The following NQO1 variants were observed in gnomAD, a reference collection of about 807,000 sequenced individuals.
NQO1 encodes NAD(P)H quinone dehydrogenase 1, also known as NAD(P)H dehydrogenase [quinone] 1.
In NQO1, 30 loss-of-function variants were observed where a neutral mutation model predicts 32.1. The observed-to-expected ratio is 0.94, with a 90% CI of 0.70 to 1.27. The LOEUF is 1.27. NQO1 is among the 50% of genes most tolerant of loss of function. The pLI, the probability that NQO1 is intolerant of heterozygous loss-of-function variation, is 0.00. For synonymous variants in NQO1, 109 were observed against 119.7 expected (o/e 0.91, Z 0.59); for missense variants, 276 against 331.3 (o/e 0.83, Z 1.30).
At chr16:69,711,640 C>A (rs190656288) in intron 5 of NQO1, among the ~76,000 whole-genome samples, 164 of 150,928 alleles carry the variant, frequency 1.1e-3, no homozygotes, top group African/African-American at 3.7e-3. Flanking sequence ...TAGATGAGTC[C>A]TTTTTTTCTT....
At chr16:69,724,305 A>G (rs1597605487) in intron 1 of NQO1, among the ~76,000 whole-genome samples, 1 of 148,756 alleles carries the variant, frequency 6.7e-6, no homozygotes, top group East Asian at 2.0e-4. Flanking sequence ...AGAGTGAGTG[A>G]GACTCCATCT....
chr16:69,717,674 G>A (rs1460933028), intron 3 of NQO1, among the ~76,000 whole-genome samples: 1 of 151,280 alleles, frequency 6.6e-6, no homozygotes, highest in Admixed American at 6.6e-5. Flanking sequence ...GTGCAGTGGC[G>A]CAATCTTGGT....
chr16:69,715,311 T>C (rs2038099377), intron 3 of NQO1, among the ~76,000 whole-genome samples: 1 of 152,204 alleles, frequency 6.6e-6, no homozygotes, highest in East Asian at 1.9e-4. Context: ...TGGGTCCGAG[T>C]AAAGCTAGAT....
In NQO1 at chr16:69,718,347, A is replaced by T; in HGVS notation, c.172+23T>A. 1.9e-6 allele frequency: 3 copies of T among 1,613,860 alleles called. No homozygotes were observed. The South Asian group carries it at 3.3e-5, about 18-fold the overall frequency. Reference sequence around the variant, plus strand: ...GAGATCCGCAAAGAACTAATTAAAGAGGGGAGGAGGAACTCCTCCTACCTG... The same window carrying T: ...GAGATCCGCAAAGAACTAATTAAAGTGGGGAGGAGGAACTCCTCCTACCTG... On this transcript the variant is annotated intron_variant, in intron 2 of 5. Coordinates refer to ENST00000320623, the MANE Select transcript of NQO1 (RefSeq NM_000903.3).
chr16:69,723,256 T>TTAA (rs767408068), intron 1 of NQO1, among the ~76,000 whole-genome samples: 1 of 152,166 alleles, frequency 6.6e-6, no homozygotes, highest in Non-Finnish European at 1.5e-5. Context: ...CTCATCAATG[T>TTAA]TAACAAGCAT....
In NQO1 at chr16:69,726,525, G is replaced by A. The variant is rs554345555; in HGVS notation, c.-86C>T. On this transcript the variant is annotated 5_prime_UTR_variant, in exon 1 of 6. Coordinates refer to ENST00000320623, the MANE Select transcript of NQO1 (RefSeq NM_000903.3). ...CCGGAACTAGGCTCTCGGTGAGCTG[G>A]GCGGCTCCGGCTGCAACCTTGTGGG... The A allele has an allele frequency of 8.3e-6, 13 of 1,566,136 alleles. No homozygotes were observed. The highest frequency in any genetic ancestry group is 5.4e-5 in the African/African-American group (4 of 73,542).
intron 4 of NQO1, among the ~76,000 whole-genome samples, chr16:69,714,465 C>T (rs1001548629): frequency 1.2e-4 from 18 of 152,020 alleles, no homozygotes; most frequent in Middle Eastern, 3.4e-3. Flanking sequence ...GCCACTGCGC[C>T]CGGCCTCTGG....
At chr16:69,720,210 G>A (rs955179123) in intron 1 of NQO1, among the ~76,000 whole-genome samples, 12 of 152,092 alleles carry the variant, frequency 7.9e-5, no homozygotes, top group Admixed American at 5.2e-4. Context: ...GCAGTGATCC[G>A]TGATCGCCGC....
intron 3 of NQO1, among the ~76,000 whole-genome samples, chr16:69,717,540 ACT>A (rs2038130569): frequency 6.6e-6 from 1 of 151,806 alleles, no homozygotes; most frequent in Non-Finnish European, 1.5e-5. Flanking sequence ...TGAAGGGGAG[ACT>A]AAGTACCTGG....
chr16:69,720,237 G>T (rs1236313917), intron 1 of NQO1, among the ~76,000 whole-genome samples: 1 of 151,676 alleles, frequency 6.6e-6, no homozygotes, highest in African/African-American at 2.4e-5. Context: ...CTCCAGCCTG[G>T]GTGACAGAGG....
At chr16:69,723,370 G>A (rs2151747503) in intron 1 of NQO1, among the ~76,000 whole-genome samples, 1 of 152,260 alleles carries the variant, frequency 6.6e-6, no homozygotes, top group South Asian at 2.1e-4. Flanking sequence ...GCTATAAGCA[G>A]GCCTGTGACT....
intron 1 of NQO1, among the ~76,000 whole-genome samples, chr16:69,720,225 C>G (rs1370883433): frequency 6.6e-6 from 1 of 152,012 alleles, no homozygotes; most frequent in Non-Finnish European, 1.5e-5. Context: ...CGCCGCACTG[C>G]ACTCCAGCCT....
At chr16:69,716,373 T>C (rs2038113545) in intron 3 of NQO1, among the ~76,000 whole-genome samples, 1 of 151,524 alleles carries the variant, frequency 6.6e-6, no homozygotes, top group African/African-American at 2.4e-5. Context: ...ATGCCTGTAG[T>C]CCCAGCTACT....
Position 69,726,433 on chromosome 16 carries a change from C to G in NQO1, c.7G>C (p.Gly3Arg), listed in dbSNP as rs752315053. MV[G>R]RRALIVLAHS... Reference sequence around the variant, plus strand: ...GCACCCCGCCCTTTGCAGCACTCACCGACCATGGCTCTGGTGCAGTCCGGG... The same window carrying G: ...GCACCCCGCCCTTTGCAGCACTCACGGACCATGGCTCTGGTGCAGTCCGGG... Residue 3 changes from glycine (G) to arginine (R), a missense_variant and splice_region_variant, in exon 1 of 6, where the codon GGC becomes CGC. By Grantham distance (125) the Gly-to-Arg change is moderately radical. Coordinates refer to ENST00000320623, the MANE Select transcript of NQO1 (RefSeq NM_000903.3). 3.7e-6 allele frequency: 6 copies of G among 1,611,944 alleles called. No individual in the cohort carries two copies. The highest frequency in any genetic ancestry group is 1.1e-5 in the South Asian group (1 of 91,038).
chr16:69,712,988 G>C (rs756070265), intron 5 of NQO1, 40 bp downstream of exon 5: 1 of 1,531,730 alleles, frequency 6.5e-7, no homozygotes, highest in African/African-American at 1.4e-5. Flanking sequence ...GTGAGACTCC[G>C]TCTCAAAGAA....
chr16:69,711,169 C>G lies in NQO1; in HGVS notation c.632G>C (p.Arg211Pro), dbSNP rs1319831679. ...RIQILEGWKK[R>P]LENIWDETPL... Reference sequence around the variant, plus strand: ...TGTCTCATCCCAAATATTCTCCAGGCGTTTCTTCCATCCTTCCAGGATTTG... The same window carrying G: ...TGTCTCATCCCAAATATTCTCCAGGGGTTTCTTCCATCCTTCCAGGATTTG... Residue 211 changes from arginine to proline, a missense_variant, in exon 6 of 6, where the codon CGC becomes CCC. By Grantham distance (103) the Arg-to-Pro change is moderately radical. Transcript: ENST00000320623. 6.2e-7 allele frequency: 1 copy of G among 1,614,156 alleles called. No homozygotes were observed. The highest frequency in any genetic ancestry group is 8.5e-7 in the Non-Finnish European group (1 of 1,180,020).
At chr16:69,723,068 C>T (rs1418252628) in intron 1 of NQO1, among the ~76,000 whole-genome samples, 1 of 152,182 alleles carries the variant, frequency 6.6e-6, no homozygotes, top group Non-Finnish European at 1.5e-5. Flanking sequence ...GCTGGGATTA[C>T]AGGCGCTCGC....
chr16:69,722,523 C>T (rs1357284190), intron 1 of NQO1, among the ~76,000 whole-genome samples: 1 of 152,198 alleles, frequency 6.6e-6, no homozygotes, highest in Non-Finnish European at 1.5e-5. Flanking sequence ...TAGAAAGGCA[C>T]ATTTAAACCT....
rs2038015360 is a variant in NQO1 at position 69,709,890 on chromosome 16, T to G, written c.*1086A>C. On this transcript the variant is annotated 3_prime_UTR_variant, in exon 6 of 6. Coordinates refer to ENST00000320623, the MANE Select transcript of NQO1 (RefSeq NM_000903.3). ...ATCAGTTTAGCAATGATAAAGAAAA[T>G]AACCTTCTGAAAATTTGTATAGATC... 3 of 398,432 alleles carry G rather than the reference T, an allele frequency of 7.5e-6. No individual in the cohort carries two copies. The highest frequency in any genetic ancestry group is 1.3e-5 in the Non-Finnish European group (3 of 226,002). 24.7% of individuals were successfully genotyped at this position (398,432 alleles called of 1,614,324 possible).
Sources: gnomAD v4.1 joint callset for allele counts (sites outside exome capture counted in the v4.1 genomes callset) on GRCh38, gnomAD v4.1.1 for gene constraint, MANE v1.5 for transcripts, NCBI Gene and HGNC (gene_info 2026-07-23, HGNC 2026-07-21) for gene names.